Variants in PLEKHM3 observed in about 807,000 individuals in gnomAD.
PLEKHM3 encodes the protein pleckstrin homology domain-containing family M member 3.
In PLEKHM3, 45 loss-of-function variants were observed where a neutral mutation model predicts 81.8. That is an observed-to-expected ratio of 0.55 (90% CI 0.43 to 0.71). The LOEUF (loss-of-function observed/expected upper bound fraction) is 0.71. Ranked by LOEUF, PLEKHM3 falls within the 30% of genes least tolerant of loss-of-function variation. The probability of loss-of-function intolerance (pLI) is 0.00; values close to 1 mark genes in which losing one functional copy is unlikely to be tolerated. For missense variants in PLEKHM3, 788 were observed against 924.3 expected, an observed-to-expected ratio of 0.85 and a Z score of 1.91; for synonymous variants, 352 against 356.4, an observed-to-expected ratio of 0.99 and a Z score of 0.14.
At chr2:208,010,205 A>G (rs978224564) in intron 1 of PLEKHM3, among the ~76,000 whole-genome samples, 4 of 152,228 alleles carry the variant, frequency 2.6e-5, no homozygotes, top group Non-Finnish European at 4.4e-5. Context: ...GCACATGTTT[A>G]TTGTTTGCCA....
chr2:207,844,092 A>G (rs575998747), intron 7 of PLEKHM3, among the ~76,000 whole-genome samples: 8 of 151,914 alleles, frequency 5.3e-5, no homozygotes, highest in African/African-American at 1.7e-4. Flanking sequence ...CGAAAAAAAA[A>G]AAGTAGGACT....
intron 1 of PLEKHM3, among the ~76,000 whole-genome samples, chr2:208,020,652 T>C (rs893012587): frequency 2.0e-5 from 3 of 152,162 alleles, no homozygotes. Context: ...AGCTAGGATG[T>C]AGTTCAGTTC....
intron 6 of PLEKHM3, among the ~76,000 whole-genome samples, chr2:207,878,565 G>A (rs2092570946): frequency 2.0e-5 from 3 of 152,184 alleles, no homozygotes; most frequent in Admixed American, 6.5e-5. Context: ...CTGAGATCGC[G>A]CCACTGCACT....
intron 3 of PLEKHM3, among the ~76,000 whole-genome samples, chr2:207,951,686 A>G (rs1690331803): frequency 6.6e-6 from 1 of 152,178 alleles, no homozygotes; most frequent in Non-Finnish European, 1.5e-5. Flanking sequence ...ATGGCCTTTC[A>G]CTAAATACAC....
intron 4 of PLEKHM3, among the ~76,000 whole-genome samples, chr2:207,940,566 C>T (rs901143590): frequency 6.6e-6 from 1 of 152,176 alleles, no homozygotes; most frequent in Non-Finnish European, 1.5e-5. Context: ...TTACAGATTA[C>T]AAAACTGAGG....
chr2:207,848,311 C>T (rs1574332523), intron 7 of PLEKHM3, among the ~76,000 whole-genome samples: 1 of 152,316 alleles, frequency 6.6e-6, no homozygotes, highest in East Asian at 1.9e-4. Flanking sequence ...CAGCTGGTTC[C>T]TCAGAAAAAT....
rs185616365 is a variant in PLEKHM3 at position 207,853,783 on chromosome 2, T to A, written c.2108+7322A>T. 2.0e-3 allele frequency among the ~76,000 whole-genome samples: 298 copies of A among 152,112 alleles called. 1 individual carries two copies. Among genetic ancestry groups the A allele is most frequent in the Non-Finnish European group, 3.0e-3 (207 of 67,996 alleles). Reference sequence around the variant, plus strand: ...TCTCATGCTTGCTATTATTATTATTTTTTTTTTGACAAAGTCTTACTCTGT... The same window carrying A: ...TCTCATGCTTGCTATTATTATTATTATTTTTTTGACAAAGTCTTACTCTGT... On this transcript the variant is annotated intron_variant, in intron 7 of 7. Coordinates refer to ENST00000427836, the MANE Select transcript of PLEKHM3 (RefSeq NM_001080475.3).
At chr2:208,002,483 C>A (rs1692343810) in intron 1 of PLEKHM3, among the ~76,000 whole-genome samples, 1 of 152,064 alleles carries the variant, frequency 6.6e-6, no homozygotes, top group South Asian at 2.1e-4. Context: ...TTATATAATG[C>A]TTGATGATGA....
intron 7 of PLEKHM3, among the ~76,000 whole-genome samples, chr2:207,831,364 A>G (rs959284336): frequency 1.6e-4 from 25 of 152,204 alleles, no homozygotes; most frequent in African/African-American, 4.1e-4. Flanking sequence ...GCTCTTACCG[A>G]GCACCACGCT....
At chr2:207,877,959 A>G (rs910631474) in intron 6 of PLEKHM3, among the ~76,000 whole-genome samples, 2 of 152,144 alleles carry the variant, frequency 1.3e-5, no homozygotes, top group African/African-American at 4.8e-5. Context: ...TATTTGAGAC[A>G]GGGACTCCCT....
chr2:207,883,039 C>A (rs765330309), intron 6 of PLEKHM3, among the ~76,000 whole-genome samples: 1 of 152,218 alleles, frequency 6.6e-6, no homozygotes, highest in South Asian at 2.1e-4. Flanking sequence ...TGAGCTACCG[C>A]GCCTGGCTGA....
At chr2:207,946,266 A>G in intron 4 of PLEKHM3, 101 bp downstream of exon 4, 1 of 1,362,806 alleles carries the variant, frequency 7.3e-7, no homozygotes, top group Non-Finnish European at 1.0e-6. Flanking sequence ...CTACCTAATC[A>G]TATCTGCTTC....
At chr2:207,864,015 C>G (rs950351719) in intron 6 of PLEKHM3, among the ~76,000 whole-genome samples, 1 of 151,592 alleles carries the variant, frequency 6.6e-6, no homozygotes, top group African/African-American at 2.4e-5. Flanking sequence ...TATTATGTAT[C>G]TCCTGGTGCA....
intron 3 of PLEKHM3, among the ~76,000 whole-genome samples, chr2:207,953,857 C>T (rs1690418722): frequency 6.6e-6 from 1 of 151,822 alleles, no homozygotes; most frequent in South Asian, 2.1e-4. Flanking sequence ...AGTTCCACTG[C>T]ACAGAGAGCT....
intron 6 of PLEKHM3, among the ~76,000 whole-genome samples, chr2:207,879,733 T>C (rs1293891525): frequency 6.6e-6 from 1 of 152,108 alleles, no homozygotes; most frequent in Non-Finnish European, 1.5e-5. Flanking sequence ...GCTAGCCAGC[T>C]CTCTAAACAA....
chr2:207,885,286 C>T (rs1196140359), intron 6 of PLEKHM3, among the ~76,000 whole-genome samples: 1 of 152,210 alleles, frequency 6.6e-6, no homozygotes, highest in African/African-American at 2.4e-5. Flanking sequence ...CTGACTAACT[C>T]AGACAATTAT....
At chr2:207,974,358 C>T (rs1006613293) in intron 3 of PLEKHM3, among the ~76,000 whole-genome samples, 1 of 152,196 alleles carries the variant, frequency 6.6e-6, no homozygotes, top group Non-Finnish European at 1.5e-5. Flanking sequence ...GTCAGGAATG[C>T]TACGAATGCA....
intron 7 of PLEKHM3, among the ~76,000 whole-genome samples, chr2:207,837,534 A>G (rs1413267333): frequency 6.6e-6 from 1 of 151,444 alleles, no homozygotes; most frequent in Non-Finnish European, 1.5e-5. Flanking sequence ...TGGGAGGCAG[A>G]GGTGGCAGTG....
At chr2:208,016,598 C>T (rs753214615) in intron 1 of PLEKHM3, among the ~76,000 whole-genome samples, 3 of 147,572 alleles carry the variant, frequency 2.0e-5, no homozygotes, top group Non-Finnish European at 4.5e-5. Context: ...TGCAGTGAGC[C>T]GAGACCGAGC....
Sources: allele counts gnomAD v4.1 joint callset (sites outside exome capture counted in the v4.1 genomes callset), GRCh38; gene constraint gnomAD v4.1.1; transcripts MANE v1.5; gene names NCBI Gene and HGNC (gene_info 2026-07-23, HGNC 2026-07-21).